The following EDIL3 variants were observed in gnomAD, a reference collection of about 807,000 sequenced individuals.
The protein encoded by EDIL3 is EGF like and discoidin domains 3, also known as EGF-like repeat and discoidin I-like domain-containing protein 3.
In EDIL3, 37 loss-of-function variants were observed where a neutral mutation model predicts 67.4. The ratio of observed to expected loss-of-function variants is 0.55; its 90% CI spans 0.42 to 0.72. The LOEUF (loss-of-function observed/expected upper bound fraction) is 0.72, where lower values mean the gene tolerates loss of function less well. EDIL3 is among the 30% of genes least tolerant of loss of function. EDIL3 has a pLI of 0.00. For missense variants in EDIL3, 527 were observed against 586.3 expected (o/e 0.90, Z 1.04); for synonymous variants, 195 against 196.3 (o/e 0.99, Z 0.05).
In EDIL3 at chr5:83,957,186, T is replaced by C. The variant is rs1384562203; in HGVS notation, c.1293+6019A>G. ...GAATGGATGAAACTAATGGTCTCCATGCAATATGGAGTGAAACCGTCCTTG... is the reference window on the plus strand; with the variant it reads ...GAATGGATGAAACTAATGGTCTCCACGCAATATGGAGTGAAACCGTCCTTG... On this transcript the variant is annotated intron_variant, in intron 10 of 10. Transcript: ENST00000296591. 2.6e-5 allele frequency among the ~76,000 whole-genome samples: 4 copies of C among 151,714 alleles called. No homozygotes were observed. The South Asian group carries it at 8.3e-4, about 31-fold the overall frequency.
chr5:84,249,344 G>A (rs890219828), intron 2 of EDIL3, among the ~76,000 whole-genome samples: 5 of 151,658 alleles, frequency 3.3e-5, no homozygotes, highest in African/African-American at 1.2e-4. Context: ...TATGGCTCCA[G>A]GTACTTGTAT....
rs371670321 is a variant in EDIL3 at position 83,959,197 on chromosome 5, G to GTATA, written c.1293+4004_1293+4007dup. On this transcript the variant is annotated intron_variant, in intron 10 of 10. Transcript: ENST00000296591. ...AATACTCCTGTGTGTGTGTGGGTGTGTATATATATATATACATTATATACA... is the reference window on the plus strand; with the variant it reads ...AATACTCCTGTGTGTGTGTGGGTGTGTATATATATATATATATACATTATATACA... Among the ~76,000 whole-genome samples, 7 of 145,812 alleles carry GTATA rather than the reference G, an allele frequency of 4.8e-5. No homozygotes were observed. The East Asian group carries it at 1.2e-3, about 25-fold the overall frequency.
chr5:83,970,752 C>A (rs923742065), intron 9 of EDIL3, among the ~76,000 whole-genome samples: 1 of 148,886 alleles, frequency 6.7e-6, no homozygotes, highest in Non-Finnish European at 1.5e-5. Flanking sequence ...ATCCCCCTAC[C>A]TGAGTGATTC....
intron 4 of EDIL3, among the ~76,000 whole-genome samples, chr5:84,149,812 G>T (rs986804434): frequency 6.6e-6 from 1 of 151,956 alleles, no homozygotes; most frequent in African/African-American, 2.4e-5. Context: ...AACAATGTGT[G>T]AGATGAAAAA....
intron 1 of EDIL3, among the ~76,000 whole-genome samples, chr5:84,290,711 G>C (rs959639729): frequency 1.3e-5 from 2 of 152,128 alleles, no homozygotes; most frequent in African/African-American, 4.8e-5. Flanking sequence ...ACCAGACTTT[G>C]TTCAACCTAA....
chr5:84,207,381 T>C (rs1240682493), intron 3 of EDIL3, among the ~76,000 whole-genome samples: 4 of 152,090 alleles, frequency 2.6e-5, no homozygotes, highest in Non-Finnish European at 4.4e-5. Flanking sequence ...AAACCACTGC[T>C]CATTGAAATA....
intron 1 of EDIL3, among the ~76,000 whole-genome samples, chr5:84,371,341 A>ATATATATATATATATATGTG (rs1008172581): frequency 3.9e-5 from 5 of 129,696 alleles, no homozygotes; most frequent in African/African-American, 1.1e-4. Flanking sequence ...ATATATATAT[A>ATATATATATATATATATGTG]TGTGTGTGTG....
chr5:84,221,429 C>T (rs1172049313), intron 3 of EDIL3, among the ~76,000 whole-genome samples: 1 of 152,042 alleles, frequency 6.6e-6, no homozygotes, highest in Non-Finnish European at 1.5e-5. Context: ...GCACCATGAT[C>T]CTGTTCTACA....
At position 84,098,474 on chromosome 5, in the gene EDIL3, C is replaced by G. The variant is rs138055419; in HGVS notation, c.651+8175G>C. Among the ~76,000 whole-genome samples the G allele has an allele frequency of 3.4e-3, 514 of 152,106 alleles. 5 individuals are homozygous for G. Among genetic ancestry groups the G allele is most frequent in the African/African-American group, 0.011 (472 of 41,502 alleles). On this transcript the variant is annotated intron_variant, in intron 6 of 10. Coordinates refer to ENST00000296591, the MANE Select transcript of EDIL3 (RefSeq NM_005711.5). ...CAGAATGTCTTATAGGTGATTTAAT[C>G]TTACAAAATTGATAAAGTTTTTTCT...
chr5:83,988,996 A>T (rs1580267378), intron 9 of EDIL3, among the ~76,000 whole-genome samples: 2 of 152,294 alleles, frequency 1.3e-5, no homozygotes, highest in East Asian at 3.9e-4. Context: ...TACACCATTG[A>T]AAGATGATTT....
At chr5:84,351,103 T>C (rs1747348042) in intron 1 of EDIL3, among the ~76,000 whole-genome samples, 1 of 152,076 alleles carries the variant, frequency 6.6e-6, no homozygotes, top group Non-Finnish European at 1.5e-5. Flanking sequence ...CCAGCATCCA[T>C]CCCTCATTAT....
chr5:84,098,264 C>T (rs912935137), intron 6 of EDIL3, among the ~76,000 whole-genome samples: 2 of 151,960 alleles, frequency 1.3e-5, no homozygotes, highest in Admixed American at 6.6e-5. Context: ...AAATTGAATA[C>T]TAATTAGTGC....
chr5:84,338,386 A>G (rs1275236659), intron 1 of EDIL3, among the ~76,000 whole-genome samples: 1 of 152,188 alleles, frequency 6.6e-6, no homozygotes, highest in Non-Finnish European at 1.5e-5. Context: ...CATTCCTTGT[A>G]AGATAAAAAT....
chr5:84,113,692 G>T (rs1472442065), intron 5 of EDIL3, among the ~76,000 whole-genome samples: 16 of 152,154 alleles, frequency 1.1e-4, no homozygotes, highest in Admixed American at 9.2e-4. Flanking sequence ...TGAGTGTGCT[G>T]ATTAAGCCTT....
chr5:84,291,492 G>A (rs999074590), intron 1 of EDIL3, among the ~76,000 whole-genome samples: 2 of 151,820 alleles, frequency 1.3e-5, no homozygotes, highest in Non-Finnish European at 2.9e-5. Context: ...ATGACGGTGT[G>A]TGTGCCAAAA....
chr5:84,063,656 T>C (rs1021750925), intron 8 of EDIL3, among the ~76,000 whole-genome samples: 1 of 152,100 alleles, frequency 6.6e-6, no homozygotes, highest in Non-Finnish European at 1.5e-5. Context: ...GAAACAGATA[T>C]AAAGTATGCG....
In EDIL3 at chr5:84,279,782, C is replaced by A. The variant is rs112667371; in HGVS notation, c.68-25570G>T. 8.8e-3 allele frequency among the ~76,000 whole-genome samples: 1,337 copies of A among 152,306 alleles called. 19 individuals carry two copies. The highest frequency in any genetic ancestry group is 0.03 in the African/African-American group (1,253 of 41,574). ...TCCGCCCTCTCTGCTGACACTTTCC[C>A]TTTCCCAGCTTCCATTCCAAAATTG... On this transcript the variant is annotated intron_variant, in intron 1 of 10. Coordinates refer to ENST00000296591, the MANE Select transcript of EDIL3 (RefSeq NM_005711.5).
chr5:84,281,072 T>A (rs1304639947), intron 1 of EDIL3, among the ~76,000 whole-genome samples: 1 of 152,148 alleles, frequency 6.6e-6, no homozygotes, highest in African/African-American at 2.4e-5. Flanking sequence ...ATATTAAATG[T>A]TCAATAAATG....
intron 1 of EDIL3, among the ~76,000 whole-genome samples, chr5:84,277,585 C>T (rs72776591): frequency 0.021 from 3,255 of 152,190 alleles, 56 homozygotes; most frequent in South Asian, 0.043. Flanking sequence ...CTGTTTACTG[C>T]CTAACATTTA....
Sources: allele counts gnomAD v4.1 joint callset (sites outside exome capture counted in the v4.1 genomes callset), GRCh38; gene constraint gnomAD v4.1.1; transcripts MANE v1.5; gene names NCBI Gene and HGNC (gene_info 2026-07-23, HGNC 2026-07-21).